MBOAT2: variants seen among roughly 807,000 people sequenced by gnomAD.
The protein encoded by MBOAT2 is membrane-bound glycerophospholipid O-acyltransferase 2.
A neutral mutation model predicts 63.4 loss-of-function variants in MBOAT2; 28 were observed. The observed-to-expected ratio is 0.44, with a 90% CI of 0.33 to 0.61. The LOEUF is 0.61. Ranked by LOEUF, MBOAT2 falls within the 20% of genes least tolerant of loss-of-function variation. The pLI, the probability that MBOAT2 is intolerant of heterozygous loss-of-function variation, is 0.03. For missense variants in MBOAT2, 470 were observed against 605.8 expected, an observed-to-expected ratio of 0.78 and a Z score of 2.35; for synonymous variants, 211 against 215.6, an observed-to-expected ratio of 0.98 and a Z score of 0.19.
At chr2:8,970,264 A>T (rs1040127250) in intron 1 of MBOAT2, among the ~76,000 whole-genome samples, 5 of 152,248 alleles carry the variant, frequency 3.3e-5, no homozygotes, top group African/African-American at 2.4e-5. Context: ...CTGCTCCTGA[A>T]TGATTACTGG....
At chr2:8,893,061 G>A (rs1489358148) in intron 4 of MBOAT2, among the ~76,000 whole-genome samples, 1 of 141,924 alleles carries the variant, frequency 7.0e-6, no homozygotes, top group Non-Finnish European at 1.6e-5. Context: ...CAGAGGCAGG[G>A]GGAGGGGGTG....
intron 3 of MBOAT2, among the ~76,000 whole-genome samples, chr2:8,910,189 A>T (rs1029434445): frequency 1.3e-5 from 2 of 152,188 alleles, no homozygotes; most frequent in Admixed American, 1.3e-4. Flanking sequence ...AGAAAGAACA[A>T]GAGAGAAAAG....
Position 8,958,889 on chromosome 2 carries a change from G to A in MBOAT2, c.76-247C>T, listed in dbSNP as rs187795025. On this transcript the variant is annotated intron_variant, in intron 1 of 12. Transcript: ENST00000305997. ...AGACAGGTGTGGCCACGTGGGGAGA[G>A]GTGTAGAAGGACACCTGGAAAAATC... is the stretch of plus-strand genomic sequence containing the variant. Among the ~76,000 whole-genome samples, 172 of 152,290 alleles carry A rather than the reference G, an allele frequency of 1.1e-3. 1 individual carries two copies. The Middle Eastern group carries it at 0.031, about 27-fold the overall frequency.
At chr2:8,971,319 C>G (rs1332156426) in intron 1 of MBOAT2, among the ~76,000 whole-genome samples, 1 of 152,196 alleles carries the variant, frequency 6.6e-6, no homozygotes, top group African/African-American at 2.4e-5. Flanking sequence ...TTCAACAGCC[C>G]TTCGTGCTAA....
At chr2:8,974,909 A>C (rs940036148) in intron 1 of MBOAT2, among the ~76,000 whole-genome samples, 19 of 152,152 alleles carry the variant, frequency 1.2e-4, no homozygotes, top group Non-Finnish European at 2.4e-4. Flanking sequence ...GGCCATTGCC[A>C]CAGAAAAAGC....
intron 8 of MBOAT2, among the ~76,000 whole-genome samples, chr2:8,871,948 A>G (rs1662356930): frequency 6.6e-6 from 1 of 152,232 alleles, no homozygotes; most frequent in Admixed American, 6.5e-5. Context: ...AAAAGACAAT[A>G]CATATATAAA....
At chr2:8,996,165 C>T (rs1360698200) in intron 1 of MBOAT2, among the ~76,000 whole-genome samples, 1 of 152,128 alleles carries the variant, frequency 6.6e-6, no homozygotes, top group Admixed American at 6.5e-5. Context: ...GAGTTTTAAG[C>T]AAGGAAGTAA....
At chr2:8,923,441 C>A (rs904250827) in intron 3 of MBOAT2, among the ~76,000 whole-genome samples, 17 of 152,174 alleles carry the variant, frequency 1.1e-4, no homozygotes, top group Non-Finnish European at 2.2e-4. Context: ...GTTTTAGACA[C>A]CCCTATGAGT....
intron 3 of MBOAT2, among the ~76,000 whole-genome samples, chr2:8,911,433 T>C (rs1048760541): frequency 6.6e-6 from 1 of 152,198 alleles, no homozygotes; most frequent in Non-Finnish European, 1.5e-5. Context: ...CTGTTGCACA[T>C]GTCTAACTCT....
intron 4 of MBOAT2, among the ~76,000 whole-genome samples, chr2:8,907,165 C>G (rs1275363372): frequency 6.6e-6 from 1 of 152,196 alleles, no homozygotes. Flanking sequence ...TATTATAATT[C>G]AAGTATTCAA....
At chr2:8,912,657 AG>A (rs1219209461) in intron 3 of MBOAT2, among the ~76,000 whole-genome samples, 3 of 152,234 alleles carry the variant, frequency 2.0e-5, no homozygotes, top group Non-Finnish European at 4.4e-5. Context: ...GACCGCTACA[AG>A]GAAAACTACA....
At position 8,868,503 on chromosome 2, in the gene MBOAT2, G is replaced by T; in HGVS notation, c.930C>A (p.Asp310Glu). ...AGTCCCAGCGAGCTGCTCCATTTTC[G>T]TCATACCCTCTGAAACCAAAGCCTG... ...NAAGFGFRGYDENGAARWDLI... is the reference protein window; with the variant it reads ...NAAGFGFRGYEENGAARWDLI... Residue 310 changes from aspartate (D) to glutamate (E), a missense_variant, in exon 9 of 13, where the codon GAC (aspartate) becomes GAA (glutamate). Asp to Glu is a conservative substitution (Grantham distance 45). Coordinates refer to ENST00000305997, the MANE Select transcript of MBOAT2 (RefSeq NM_138799.4). 1 of 1,613,878 alleles carries T rather than the reference G, an allele frequency of 6.2e-7. No homozygotes were observed. The highest frequency in any genetic ancestry group is 8.5e-7 in the Non-Finnish European group (1 of 1,179,930).
chr2:8,949,765 G>C (rs1668686248), intron 2 of MBOAT2, among the ~76,000 whole-genome samples: 1 of 152,168 alleles, frequency 6.6e-6, no homozygotes, highest in Non-Finnish European at 1.5e-5. Flanking sequence ...TTTAAGTCAT[G>C]TAGTATGATG....
intron 1 of MBOAT2, among the ~76,000 whole-genome samples, chr2:9,001,103 C>T (rs1174398569): frequency 6.6e-6 from 1 of 152,142 alleles, no homozygotes; most frequent in Non-Finnish European, 1.5e-5. Flanking sequence ...TCTTCAGGGG[C>T]AATAACATGC....
chr2:8,958,570 T>C lies in MBOAT2; in HGVS notation c.148A>G (p.Lys50Glu). The C allele has an allele frequency of 6.2e-7, 1 of 1,612,780 alleles. No individual in the cohort carries two copies. The highest frequency in any genetic ancestry group is 8.5e-7 in the Non-Finnish European group (1 of 1,179,630). The change falls in exon 2 of 13, where the codon AAA (lysine) becomes GAA (glutamate). Residue 50 changes from lysine (K) to glutamate (E), a missense_variant. This residue lies in a region of MBOAT2 where 376 missense variants were observed against 503.8 expected (regional missense o/e 0.75). Transcript: ENST00000305997. ...IWFRTYLHSS[K>E]TSSFIRHVVA... The stretch of plus-strand genomic sequence containing the variant: ...ACATGTCTTATAAAAGAGCTAGTTT[T>C]GCTTGAATGTAGATAAGTTCGAAAC...
At chr2:8,910,041 G>A (rs1665602721) in intron 3 of MBOAT2, among the ~76,000 whole-genome samples, 1 of 152,212 alleles carries the variant, frequency 6.6e-6, no homozygotes, top group Non-Finnish European at 1.5e-5. Flanking sequence ...AGTTCCAGGT[G>A]TGAACCATAA....
chr2:8,889,951 G>A (rs535281549), intron 4 of MBOAT2, among the ~76,000 whole-genome samples: 4 of 152,172 alleles, frequency 2.6e-5, no homozygotes, highest in Non-Finnish European at 4.4e-5. Flanking sequence ...CTGGGAGGAC[G>A]GGTGACATGT....
intron 1 of MBOAT2, among the ~76,000 whole-genome samples, chr2:8,995,879 T>C (rs7556790): frequency 0.99 from 151,459 of 152,296 alleles, 75,316 homozygotes; most frequent in Non-Finnish European, 1. Context: ...GCGTGAGCCA[T>C]CGCGCCCGGC....
rs1400320928 is a variant in MBOAT2, at chr2:8,984,538, A to AGTGAAAGCCACTT, written c.75+19001_75+19002insAAGTGGCTTTCAC. Reference sequence around the variant, plus strand: ...CTTAAAAGGGTGTTCCTTAAGTGGGAGCGCAAGTGGCTTTCATCATCCTCT... The same window carrying AGTGAAAGCCACTT: ...CTTAAAAGGGTGTTCCTTAAGTGGGAGTGAAAGCCACTTGCGCAAGTGGCTTTCATCATCCTCT... On this transcript the variant is annotated intron_variant, in intron 1 of 12. Coordinates refer to ENST00000305997, the MANE Select transcript of MBOAT2 (RefSeq NM_138799.4). 2.6e-5 allele frequency among the ~76,000 whole-genome samples: 4 copies of AGTGAAAGCCACTT among 152,250 alleles called. No homozygotes were observed. The East Asian group carries it at 7.7e-4, about 29-fold the overall frequency.
Sources: gnomAD v4.1 joint callset for allele counts (sites outside exome capture counted in the v4.1 genomes callset) on GRCh38, gnomAD v4.1.1 for gene constraint, gnomAD v4.1.1 regional missense constraint, MANE v1.5 for transcripts, NCBI Gene and HGNC (gene_info 2026-07-23, HGNC 2026-07-21) for gene names.